Variants in ZNF565 observed in about 807,000 individuals in gnomAD.
The protein encoded by ZNF565 is zinc finger protein 565.
Under a neutral mutation model 39.4 loss-of-function variants are expected in ZNF565, and 27 were observed. The observed-to-expected ratio is 0.69, with a 90% CI of 0.51 to 0.95. ZNF565 has a LOEUF of 0.95. ZNF565 is among the 40% of genes least tolerant of loss of function. The pLI is 0.00. For missense variants in ZNF565, 524 were observed against 621.1 expected (o/e 0.84, Z 1.66); for synonymous variants, 185 against 216.6 (o/e 0.85, Z 1.28).
upstream of ZNF565, among the ~76,000 whole-genome samples, chr19:36,215,423 G>T (rs554010164): frequency 2.0e-5 from 3 of 152,190 alleles, no homozygotes; most frequent in South Asian, 6.2e-4. Flanking sequence ...ACTGGGTGCG[G>T]GATTGTGTGT....
At chr19:36,232,194 C>CAAA (rs35069898) in intron 1 of ZNF565, among the ~76,000 whole-genome samples, 1 of 108,936 alleles carries the variant, frequency 9.2e-6, no homozygotes. Flanking sequence ...GACTCCATCT[C>CAAA]AAAAAAAAAA....
chr19:36,213,383 T>C (rs1169753303), intron 1 of ZNF565: 1 of 139,862 alleles, frequency 7.1e-6, no homozygotes, highest in Admixed American at 7.0e-5. Flanking sequence ...TAATTTTTAA[T>C]TTTTTGTTTG....
intron 1 of ZNF565, among the ~76,000 whole-genome samples, chr19:36,225,665 T>C (rs1011267861): frequency 6.6e-6 from 1 of 151,666 alleles, no homozygotes; most frequent in Non-Finnish European, 1.5e-5. Context: ...CTTGAACTCC[T>C]GGGCTCAAGC....
At chr19:36,187,922 G>A (rs1052438915) in intron 4 of ZNF565, among the ~76,000 whole-genome samples, 3 of 151,838 alleles carry the variant, frequency 2.0e-5, no homozygotes, top group African/African-American at 7.2e-5. Flanking sequence ...ACAGGCGTGA[G>A]CCACCGCGCC....
chr19:36,201,662 A>G (rs992510337), intron 2 of ZNF565, among the ~76,000 whole-genome samples: 7 of 151,964 alleles, frequency 4.6e-5, no homozygotes, highest in African/African-American at 7.3e-5. Flanking sequence ...TTTAGTAGAG[A>G]CGGGGTTTCA....
At chr19:36,184,100 A>AAAC (rs1555734961) in intron 4 of ZNF565, among the ~76,000 whole-genome samples, 13 of 149,748 alleles carry the variant, frequency 8.7e-5, no homozygotes, top group Admixed American at 5.3e-4. Flanking sequence ...AAAAAAAAAA[A>AAAC]AAACTATAGT....
rs200748754 is a variant in ZNF565, at chr19:36,203,951, C to CT, written c.-65-1902dup. ...TGTAGGGGGTGTGTCAAAAGAAATA[C>CT]TTTTTTTTTTTTTTTTGAAATGGGG... On this transcript the variant is annotated intron_variant, in intron 1 of 4. Coordinates refer to ENST00000304116, the MANE Select transcript of ZNF565 (RefSeq NM_152477.5). Among the ~76,000 whole-genome samples the CT allele has an allele frequency of 7.7e-3, 1,066 of 137,980 alleles. 6 individuals are homozygous for CT. Among genetic ancestry groups the CT allele is most frequent in the African/African-American group, 0.021 (783 of 37,636 alleles). 90.5% of individuals were successfully genotyped at this position (137,980 alleles called of 152,430 possible).
At position 36,245,338 on chromosome 19, in the gene ZNF565, G is replaced by C. The variant is rs2145482209; in HGVS notation, c.55+138C>G. 1 of 651,738 alleles carries C rather than the reference G, an allele frequency of 1.5e-6. No homozygotes were observed. The highest frequency in any genetic ancestry group is 2.8e-6 in the Non-Finnish European group (1 of 360,396). The allele number at this position is 651,738 out of a possible 1,614,324, so 40.4% of individuals were successfully genotyped here. On this transcript the variant is annotated intron_variant, in intron 1 of 4. Coordinates refer to the ZNF565 transcript ENST00000355114. This position sits in a 1 kb window ranked among gnomAD's most constrained non-coding sequence, Gnocchi z 4.4. ...CTCAGTTCTAAGCCGAGGGGCTGCT[G>C]CCGGACATTCTAGGGTCTGATCTGG...
intron 4 of ZNF565, among the ~76,000 whole-genome samples, chr19:36,192,569 T>C (rs1975597525): frequency 6.6e-6 from 1 of 151,476 alleles, no homozygotes; most frequent in East Asian, 2.0e-4. Flanking sequence ...AGTGAAACCC[T>C]GTATCTACTG....
chr19:36,183,366 AC>A lies in ZNF565; in HGVS notation c.599del (p.Cys200LeufsTer67). 1 of 1,608,492 alleles carries A rather than the reference AC, an allele frequency of 6.2e-7. No individual in the cohort carries two copies. Among genetic ancestry groups the A allele is most frequent in the Non-Finnish European group, 8.5e-7 (1 of 1,175,090 alleles). ...GTGAGGCACGGCTGAAGGCCTTCCC[AC>A]ATTCCTTACATCCAAAGGGTTTTTC... ...TGEKPFGCKE[C>X]GKAFSRASHL... On this transcript the variant is annotated frameshift_variant, in exon 5 of 5. Coordinates refer to ENST00000304116, the MANE Select transcript of ZNF565 (RefSeq NM_152477.5). LOFTEE classifies it high-confidence loss of function.
At chr19:36,232,645 G>T (rs1297032323) in intron 1 of ZNF565, among the ~76,000 whole-genome samples, 2 of 135,174 alleles carry the variant, frequency 1.5e-5, no homozygotes, top group African/African-American at 5.6e-5. Flanking sequence ...GTCTCCCTCT[G>T]TCACCCAGGC....
intron 1 of ZNF565, among the ~76,000 whole-genome samples, chr19:36,208,277 T>C (rs1976232302): frequency 6.7e-6 from 1 of 149,412 alleles, no homozygotes; most frequent in Admixed American, 6.8e-5. Context: ...AGTGGCGCAA[T>C]CACAGCTTCA....
intron 1 of ZNF565, among the ~76,000 whole-genome samples, chr19:36,240,825 G>A (rs962217082): frequency 1.3e-5 from 2 of 151,474 alleles, no homozygotes; most frequent in Admixed American, 6.6e-5. Flanking sequence ...AGCCAGGATC[G>A]TGCTACTGCA....
At chr19:36,217,885 CAAAAA>C (rs10590776), upstream of ZNF565, among the ~76,000 whole-genome samples, 3 of 133,268 alleles carry the variant, frequency 2.3e-5, no homozygotes. Flanking sequence ...AACTCCATCT[CAAAAA>C]AAAAAAAAAA....
intron 1 of ZNF565, chr19:36,237,475 G>C: frequency 5.8e-6 from 5 of 855,418 alleles, no homozygotes; most frequent in Non-Finnish European, 8.7e-6. Flanking sequence ...TTGTACTGAA[G>C]AGAAAGACAT....
intron 2 of ZNF565, among the ~76,000 whole-genome samples, chr19:36,195,878 AGT>A (rs1416312312): frequency 6.7e-6 from 1 of 149,428 alleles, no homozygotes; most frequent in Non-Finnish European, 1.5e-5. Flanking sequence ...AAAATTGATG[AGT>A]AGGGTCAGGT....
chr19:36,218,468 A>C (rs1332572493), upstream of ZNF565, among the ~76,000 whole-genome samples: 1 of 151,814 alleles, frequency 6.6e-6, no homozygotes, highest in Non-Finnish European at 1.5e-5. Flanking sequence ...TTTTGTTATT[A>C]ATATTTCTTT....
chr19:36,239,966 C>G (rs150365751), intron 1 of ZNF565, among the ~76,000 whole-genome samples: 200 of 152,338 alleles, frequency 1.3e-3, no homozygotes, highest in African/African-American at 4.7e-3. Flanking sequence ...CACTGCATCA[C>G]TGTATCTTTT....
chr19:36,243,014 G>T (rs1977825052), intron 1 of ZNF565, among the ~76,000 whole-genome samples: 1 of 152,028 alleles, frequency 6.6e-6, no homozygotes, highest in African/African-American at 2.4e-5. Context: ...AGTAAATGTT[G>T]GGTTTTTGGT....
Sources: gnomAD v4.1 joint callset for allele counts (sites outside exome capture counted in the v4.1 genomes callset) on GRCh38, gnomAD v4.1.1 for gene constraint, Gnocchi (gnomAD v3.1) non-coding constraint, MANE v1.5 for transcripts, NCBI Gene and HGNC (gene_info 2026-07-23, HGNC 2026-07-21) for gene names.